The following GAN variants were observed in gnomAD, a reference collection of about 807,000 sequenced individuals.
GAN encodes the protein epididymis secretory sperm binding protein.
A neutral mutation model predicts 71.3 loss-of-function variants in GAN; 48 were observed. The ratio of observed to expected loss-of-function variants is 0.67; its 90% CI spans 0.53 to 0.86. The LOEUF is 0.86. GAN is among the 40% of genes least tolerant of loss of function. The probability of loss-of-function intolerance (pLI) is 0.00; values close to 1 mark genes in which losing one functional copy is unlikely to be tolerated. For synonymous variants in GAN, 386 were observed against 276.8 expected, an observed-to-expected ratio of 1.39 and a Z score of -3.92; for missense variants, 928 against 770.1, an observed-to-expected ratio of 1.21 and a Z score of -2.43.
At chr16:81,353,468 A>G (rs998088967) in intron 2 of GAN, among the ~76,000 whole-genome samples, 12 of 152,078 alleles carry the variant, frequency 7.9e-5, no homozygotes, top group South Asian at 2.1e-4. Context: ...ATTTTCCCCT[A>G]CTTGTGGCTT....
At position 81,355,427 on chromosome 16, in the gene GAN, C is replaced by T. The variant is rs370793687; in HGVS notation, c.633+672C>T. Among the ~76,000 whole-genome samples, 12 of 152,314 alleles carry T rather than the reference C, an allele frequency of 7.9e-5. No homozygotes were observed. The East Asian group carries it at 1.9e-3, about 24-fold the overall frequency. ...CTGAAGGGCAGTAGCCAGAGTGGCA[C>T]GATCATAGCTCACTGCAGTCCCAAC... is the stretch of plus-strand genomic sequence containing the variant. On this transcript the variant is annotated intron_variant, in intron 3 of 10. Transcript: ENST00000648994.
chr16:81,367,653 CA>C (rs1910904365), intron 9 of GAN, among the ~76,000 whole-genome samples: 1 of 152,214 alleles, frequency 6.6e-6, no homozygotes, highest in Non-Finnish European at 1.5e-5. Flanking sequence ...AAGATTCTAA[CA>C]TGTTTAGATA....
rs1339723588 is a variant in GAN at position 81,383,551 on chromosome 16, C to T, written c.*5955C>T. On this transcript the variant is annotated 3_prime_UTR_variant, in exon 11 of 11. Transcript: ENST00000648994. ...ACAGGTGTGAGCCACCTCGCCTGCC[C>T]TCTTTTTTTTTTTTTATTTTGAGAT... The T allele has an allele frequency of 1.3e-5, 2 of 151,318 alleles. No individual in the cohort carries two copies. Among genetic ancestry groups the T allele is most frequent in the African/African-American group, 4.9e-5 (2 of 41,204 alleles). 9.4% of individuals were successfully genotyped at this position (151,318 alleles called of 1,614,324 possible). A position where few individuals can be genotyped will look rare whatever the true frequency, so the allele number is the denominator to read the frequency against.
At chr16:81,355,045 T>C (rs1910439763) in intron 3 of GAN, among the ~76,000 whole-genome samples, 1 of 152,152 alleles carries the variant, frequency 6.6e-6, no homozygotes, top group Admixed American at 6.5e-5. Context: ...AGCTGGAGAT[T>C]ATAGAAACGC....
intron 1 of GAN, among the ~76,000 whole-genome samples, chr16:81,326,598 A>G (rs910818865): frequency 2.6e-5 from 4 of 152,248 alleles, no homozygotes; most frequent in Non-Finnish European, 1.5e-5. Context: ...TAATGACACC[A>G]ATACGTTCTG....
rs1210407836 is a variant in GAN, at chr16:81,357,018, G to T, written c.851+16G>T. 1.3e-6 allele frequency: 2 copies of T among 1,484,290 alleles called. No individual in the cohort carries two copies. The highest frequency in any genetic ancestry group is 1.1e-5 in the South Asian group (1 of 88,404). The allele number at this position is 1,484,290 out of a possible 1,614,324, so 91.9% of individuals were successfully genotyped here. A position where few individuals can be genotyped will look rare whatever the true frequency, so the allele number is the denominator to read the frequency against. The stretch of plus-strand genomic sequence containing the variant: ...AAGAGAGAGTGTAAGTATGAGGTGG[G>T]ACTTGTTTGAAAAGTGGTGTATGGG... On this transcript the variant is annotated intron_variant, in intron 4 of 10. Transcript: ENST00000648994.
At chr16:81,330,813 G>A (rs889188548) in intron 1 of GAN, among the ~76,000 whole-genome samples, 6 of 152,276 alleles carry the variant, frequency 3.9e-5, no homozygotes, top group African/African-American at 1.4e-4. Context: ...AAGTGACCAA[G>A]GTCAGCATCA....
rs1904349742 is a variant in GAN at position 81,384,703 on chromosome 16, T to C, written c.*7107T>C. On this transcript the variant is annotated 3_prime_UTR_variant, in exon 11 of 11. Coordinates refer to ENST00000648994, the MANE Select transcript of GAN (RefSeq NM_022041.4). ...TGCAGAGTTGAGGTTGGCAGAACTA[T>C]ATAGAGTTGGATGATACTGAAAATC... 1 of 152,180 alleles carries C rather than the reference T, an allele frequency of 6.6e-6. No homozygotes were observed. The highest frequency in any genetic ancestry group is 1.5e-5 in the Non-Finnish European group (1 of 68,040). 9.4% of individuals were successfully genotyped at this position (152,180 alleles called of 1,614,324 possible).
intron 2 of GAN, among the ~76,000 whole-genome samples, chr16:81,353,990 T>C (rs1042948727): frequency 2.0e-5 from 3 of 152,156 alleles, no homozygotes; most frequent in African/African-American, 7.2e-5. Flanking sequence ...GTGAACTTCA[T>C]AGGTGGGGAG....
Position 81,386,575 on chromosome 16 carries a change from G to T in GAN, c.*8979G>T, listed in dbSNP as rs146796442. The stretch of plus-strand genomic sequence containing the variant: ...TTAGGTTATGAGACTGGCAGAGGTA[G>T]GAGTATATAATGTGCTCAGCTTGTC... On this transcript the variant is annotated 3_prime_UTR_variant, in exon 11 of 11. Coordinates refer to ENST00000648994, the MANE Select transcript of GAN (RefSeq NM_022041.4). 14 of 152,344 alleles carry T rather than the reference G, an allele frequency of 9.2e-5. No homozygotes were observed. In the East Asian group the frequency reaches 1.9e-3, roughly 21 times the overall value. 9.4% of individuals were successfully genotyped at this position (152,344 alleles called of 1,614,324 possible). A position where few individuals can be genotyped will look rare whatever the true frequency, so the allele number is the denominator to read the frequency against.
At chr16:81,327,625 C>T (rs1326618713) in intron 1 of GAN, among the ~76,000 whole-genome samples, 1 of 150,112 alleles carries the variant, frequency 6.7e-6, no homozygotes, top group African/African-American at 2.5e-5. Flanking sequence ...TAAAATCTTC[C>T]TTGTAACTCT....
intron 3 of GAN, among the ~76,000 whole-genome samples, chr16:81,355,357 C>G (rs1231992271): frequency 1.3e-5 from 2 of 152,154 alleles, no homozygotes; most frequent in Non-Finnish European, 2.9e-5. Context: ...AATCACAGGA[C>G]TTGAGGGTTT....
chr16:81,358,672 G>A (rs1255545523), intron 5 of GAN, among the ~76,000 whole-genome samples: 2 of 152,102 alleles, frequency 1.3e-5, no homozygotes, highest in Non-Finnish European at 2.9e-5. Context: ...TATAGGCAAT[G>A]GCTTAAAGTT....
chr16:81,349,004 C>G (rs1234904484), intron 1 of GAN, among the ~76,000 whole-genome samples: 1 of 152,180 alleles, frequency 6.6e-6, no homozygotes, highest in Admixed American at 6.5e-5. Context: ...TGGTGCTCCC[C>G]TGTCCAGAGA....
In GAN at chr16:81,359,245, C is replaced by T. The variant is rs145726091; in HGVS notation, c.973+1314C>T. On this transcript the variant is annotated intron_variant, in intron 5 of 10. Transcript: ENST00000648994. ...CATATTCCTAATTTTCACACATACA[C>T]GTCTGTCACAAAGGCTCCTATATGA... Among the ~76,000 whole-genome samples, 50 of 152,254 alleles carry T rather than the reference C, an allele frequency of 3.3e-4. No homozygotes were observed. In the East Asian group the frequency reaches 9.3e-3, roughly 28 times the overall value.
rs144272967 is a variant in GAN at position 81,322,583 on chromosome 16, G to A, written c.167+7303G>A. On this transcript the variant is annotated intron_variant, in intron 1 of 10. Coordinates refer to ENST00000648994, the MANE Select transcript of GAN (RefSeq NM_022041.4). ...GAAACTTAAATGTATATTTTTGCTC[G>A]TAGATATTTTGTGGTTCTCTCAACT... 7.6e-3 allele frequency among the ~76,000 whole-genome samples: 1,151 copies of A among 152,300 alleles called. 5 individuals carry two copies. Among genetic ancestry groups the A allele is most frequent in the Non-Finnish European group, 0.012 (827 of 68,038 alleles).
chr16:81,362,785 C>T (rs1000108566), intron 6 of GAN, among the ~76,000 whole-genome samples, 174 bp downstream of exon 6: 1 of 152,174 alleles, frequency 6.6e-6, no homozygotes, highest in African/African-American at 2.4e-5. Flanking sequence ...GCCCTCACTC[C>T]TTCTGGCCTC....
intron 2 of GAN, among the ~76,000 whole-genome samples, chr16:81,352,624 G>A (rs749380561): frequency 6.6e-6 from 1 of 152,086 alleles, no homozygotes; most frequent in Non-Finnish European, 1.5e-5. Flanking sequence ...TATTCTGAAT[G>A]TATTGCTTTC....
chr16:81,339,008 T>G (rs977980451), intron 1 of GAN, among the ~76,000 whole-genome samples: 1 of 152,248 alleles, frequency 6.6e-6, no homozygotes, highest in Non-Finnish European at 1.5e-5. Context: ...TTTAGCAGTT[T>G]GACAGAGTAA....
Sources: allele counts gnomAD v4.1 joint callset (sites outside exome capture counted in the v4.1 genomes callset), GRCh38; gene constraint gnomAD v4.1.1; transcripts MANE v1.5; gene names NCBI Gene and HGNC (gene_info 2026-07-23, HGNC 2026-07-21).